MCHR2: variants seen among roughly 807,000 people sequenced by gnomAD.
MCHR2 encodes melanin-concentrating hormone receptor 2.
A neutral mutation model predicts 24.8 loss-of-function variants in MCHR2; 15 were observed. The observed-to-expected ratio is 0.60, with a 90% CI of 0.40 to 0.93. The LOEUF (loss-of-function observed/expected upper bound fraction) is 0.93. Among genes scored for constraint, MCHR2 ranks in the 40% least tolerant of loss-of-function variants. The pLI, the probability that MCHR2 is intolerant of heterozygous loss-of-function variation, is 0.00. For synonymous variants in MCHR2, 151 were observed against 147.6 expected (o/e 1.02, Z -0.17); for missense variants, 386 against 408.7 (o/e 0.94, Z 0.48).
intron 2 of MCHR2, among the ~76,000 whole-genome samples, chr6:99,953,902 T>TA (rs1364860762): frequency 6.6e-6 from 1 of 152,042 alleles, no homozygotes; most frequent in Non-Finnish European, 1.5e-5. Context: ...GTGACTGGTG[T>TA]AAAAAATACC....
At chr6:99,957,890 A>G (rs548699785) in intron 1 of MCHR2, among the ~76,000 whole-genome samples, 1 of 152,240 alleles carries the variant, frequency 6.6e-6, no homozygotes, top group East Asian at 1.9e-4. Flanking sequence ...TTGAAGACTC[A>G]TTAATCTATA....
intron 1 of MCHR2, among the ~76,000 whole-genome samples, chr6:99,962,394 G>A (rs565494948): frequency 4.6e-5 from 7 of 152,240 alleles, no homozygotes; most frequent in South Asian, 2.1e-4. Flanking sequence ...AACTGTGGTT[G>A]TCCACAGGTA....
chr6:99,975,566 G>GCTGCACCCACTGTC (rs573241935), intron 1 of MCHR2, among the ~76,000 whole-genome samples: 2 of 152,188 alleles, frequency 1.3e-5, no homozygotes, highest in African/African-American at 4.8e-5. Flanking sequence ...TGCATGGTGC[G>GCTGCACCCACTGTC]CTGCACCCAC....
At chr6:99,950,882 G>A (rs932221244) in intron 2 of MCHR2, among the ~76,000 whole-genome samples, 5 of 152,034 alleles carry the variant, frequency 3.3e-5, no homozygotes, top group African/African-American at 9.7e-5. Flanking sequence ...ATAACACTAC[G>A]CATGTAGGCT....
At chr6:99,985,651 T>C (rs993594427) in intron 1 of MCHR2, among the ~76,000 whole-genome samples, 21 of 152,208 alleles carry the variant, frequency 1.4e-4, no homozygotes, top group Admixed American at 1.4e-3. Flanking sequence ...TGGACATGCA[T>C]CTCTCAGCAT....
chr6:99,987,962 G>A (rs1345400500), intron 1 of MCHR2, among the ~76,000 whole-genome samples: 3 of 152,160 alleles, frequency 2.0e-5, no homozygotes, highest in South Asian at 4.1e-4. Flanking sequence ...TAAAACAGGA[G>A]GCTAAGTTAA....
intron 1 of MCHR2, among the ~76,000 whole-genome samples, chr6:99,979,694 C>T (rs1353937356): frequency 1.3e-5 from 2 of 152,094 alleles, no homozygotes; most frequent in Non-Finnish European, 2.9e-5. Context: ...TTTGTTCCTC[C>T]TATTTGTCTT....
At chr6:99,944,277 C>G (rs1369622883) in intron 3 of MCHR2, among the ~76,000 whole-genome samples, 1 of 152,058 alleles carries the variant, frequency 6.6e-6, no homozygotes, top group Non-Finnish European at 1.5e-5. Flanking sequence ...TTTTTCAGAG[C>G]AAAATGAAAG....
intron 1 of MCHR2, among the ~76,000 whole-genome samples, chr6:99,980,511 A>G (rs973966688): frequency 2.0e-5 from 3 of 152,084 alleles, no homozygotes; most frequent in Middle Eastern, 3.4e-3. Flanking sequence ...CCAAATAGTC[A>G]ATGGGATGGA....
At chr6:99,931,809 C>T (rs1245657459) in intron 5 of MCHR2, among the ~76,000 whole-genome samples, 1 of 152,192 alleles carries the variant, frequency 6.6e-6, no homozygotes, top group Non-Finnish European at 1.5e-5. Flanking sequence ...CAATGCCTTG[C>T]CCTGCTTTGG....
At chr6:99,967,170 AC>A (rs899425508) in intron 1 of MCHR2, among the ~76,000 whole-genome samples, 1 of 151,878 alleles carries the variant, frequency 6.6e-6, no homozygotes, top group Admixed American at 6.6e-5. Flanking sequence ...AAAAAAAAAA[AC>A]AGAAATTTAT....
intron 3 of MCHR2, among the ~76,000 whole-genome samples, chr6:99,947,499 T>C (rs1774892171): frequency 6.6e-6 from 1 of 152,188 alleles, no homozygotes; most frequent in South Asian, 2.1e-4. Context: ...TTTGTGATTT[T>C]TTTTTCTTGC....
chr6:99,926,723 A>C (rs1163425075), intron 5 of MCHR2, among the ~76,000 whole-genome samples: 1 of 152,032 alleles, frequency 6.6e-6, no homozygotes, highest in Non-Finnish European at 1.5e-5. Flanking sequence ...TTCATTGTAG[A>C]TTCTGGATAT....
At chr6:99,960,379 T>C (rs1020200325) in intron 1 of MCHR2, among the ~76,000 whole-genome samples, 19 of 152,056 alleles carry the variant, frequency 1.2e-4, no homozygotes, top group African/African-American at 2.4e-5. Flanking sequence ...ATAGGAAGAA[T>C]CAATATGGTG....
rs140393984 is a variant in MCHR2 at position 99,982,718 on chromosome 6, G to C, written c.-28+11218C>G. On this transcript the variant is annotated intron_variant, in intron 1 of 5. Coordinates refer to ENST00000281806, the MANE Select transcript of MCHR2 (RefSeq NM_001040179.2). Reference sequence around the variant, plus strand: ...GTTGGGTGGATGAACTCTTGATGGAGAAGTGGATTTTTCCATTTCTCCCTA... The same window carrying C: ...GTTGGGTGGATGAACTCTTGATGGACAAGTGGATTTTTCCATTTCTCCCTA... 5.3e-5 allele frequency among the ~76,000 whole-genome samples: 8 copies of C among 152,184 alleles called. No homozygotes were observed. In the East Asian group the frequency reaches 1.5e-3, roughly 29 times the overall value.
In MCHR2 at chr6:99,920,579, G is replaced by A. The variant is rs201792511; in HGVS notation, c.*361C>T. 1.4e-5 allele frequency: 3 copies of A among 213,516 alleles called. No individual in the cohort carries two copies. The allele number at this position is 213,516 out of a possible 1,614,324, so 13.2% of individuals were successfully genotyped here. ...TAGGAACCTTGAGGAAACTGTTACA[G>A]TGAGGCCACAGTGTGGAGGGCAAGG... On this transcript the variant is annotated 3_prime_UTR_variant, in exon 6 of 6. Coordinates refer to ENST00000281806, the MANE Select transcript of MCHR2 (RefSeq NM_001040179.2).
At chr6:99,948,122 T>A in intron 2 of MCHR2, 151 bp from the exon 3 acceptor site, 3 of 655,986 alleles carry the variant, frequency 4.6e-6, no homozygotes, top group Non-Finnish European at 7.8e-6. Context: ...CCTAGTCTTG[T>A]GTGTATTTAA....
intron 1 of MCHR2, among the ~76,000 whole-genome samples, chr6:99,987,084 TGTGTTG>T (rs1775783542): frequency 7.0e-6 from 1 of 143,706 alleles, no homozygotes; most frequent in Admixed American, 7.1e-5. Context: ...TTTGTTGTGT[TGTGTTG>T]TATTTATTTA....
intron 5 of MCHR2, among the ~76,000 whole-genome samples, chr6:99,930,403 A>G (rs1050290110): frequency 6.6e-6 from 1 of 152,090 alleles, no homozygotes; most frequent in Non-Finnish European, 1.5e-5. Flanking sequence ...TAGATTGGGG[A>G]AGTTCTCCTG....
Sources: gnomAD v4.1 joint callset for allele counts (sites outside exome capture counted in the v4.1 genomes callset) on GRCh38, gnomAD v4.1.1 for gene constraint, MANE v1.5 for transcripts, NCBI Gene and HGNC (gene_info 2026-07-23, HGNC 2026-07-21) for gene names.